Variants in PLEKHG5 observed in about 807,000 individuals in gnomAD.
PLEKHG5 encodes the protein pleckstrin homology and RhoGEF domain containing G5, also known as pleckstrin homology domain-containing family G member 5.
A neutral mutation model predicts 103.8 loss-of-function variants in PLEKHG5; 52 were observed. The observed-to-expected ratio is 0.50, with a 90% CI of 0.40 to 0.63. The LOEUF (loss-of-function observed/expected upper bound fraction) is 0.63. PLEKHG5 is among the 30% of genes least tolerant of loss of function. The pLI is 0.00. For missense variants in PLEKHG5, 1,205 were observed against 1,347.6 expected (o/e 0.89, Z 1.66); for synonymous variants, 592 against 575.5 (o/e 1.03, Z -0.41).
chr1:6,519,928 C>CA, exon 1 of PLEKHG5: 1 of 311,862 alleles, frequency 3.2e-6, no homozygotes, highest in Non-Finnish European at 6.2e-6. Flanking sequence ...AGCAACACCA[C>CA]AGAGACCCCG....
chr1:6,469,362 G>A lies in PLEKHG5; in HGVS notation c.2022C>T (p.Gly674=), dbSNP rs1303164245. The change falls in exon 18 of 21, where the codon GGC becomes GGT. Residue 674 remains glycine, a synonymous_variant. Transcript: ENST00000377728. The stretch of plus-strand genomic sequence containing the variant: ...GGGCATTGTAAATGGTGTCCACCCA[G>A]CCACGGCACAAGGCCTGGCCACTGG... The part of the protein sequence containing the change: ...FQASGQALCR[G]WVDTIYNAQN... The A allele has an allele frequency of 1.2e-6, 2 of 1,614,020 alleles. No individual in the cohort carries two copies. Among genetic ancestry groups the A allele is most frequent in the African/African-American group, 1.3e-5 (1 of 74,944 alleles).
upstream of PLEKHG5, among the ~76,000 whole-genome samples, chr1:6,495,049 C>G (rs567968434): frequency 4.6e-5 from 7 of 152,362 alleles, no homozygotes; most frequent in South Asian, 6.2e-4. Flanking sequence ...GAGGACCCCC[C>G]CTGAGAGCAG....
intron 1 of PLEKHG5, among the ~76,000 whole-genome samples, chr1:6,484,636 G>C (rs1440858587): frequency 6.6e-6 from 1 of 152,094 alleles, no homozygotes; most frequent in Non-Finnish European, 1.5e-5. Context: ...CCCAGCACTA[G>C]GGCGGAATGG....
upstream of PLEKHG5, chr1:6,496,949 A>C (rs3007430): frequency 0.15 from 229,109 of 1,519,982 alleles, 27,165 homozygotes; most frequent in African/African-American, 0.61. Context: ...CAGATCCCTG[A>C]GAACCTTACG....
chr1:6,472,699 T>G (rs1265226675), intron 9 of PLEKHG5, 77 bp from the exon 10 acceptor site: 2 of 1,028,614 alleles, frequency 1.9e-6, no homozygotes, highest in Non-Finnish European at 3.0e-6. Context: ...GCAACCTGCA[T>G]GCAACTCTCA....
At chr1:6,493,334 TG>T (rs1645178305), upstream of PLEKHG5, among the ~76,000 whole-genome samples, 1 of 152,210 alleles carries the variant, frequency 6.6e-6, no homozygotes. Flanking sequence ...GAACTGGGCC[TG>T]GCACCGACAG....
At chr1:6,471,191 G>T in intron 12 of PLEKHG5, 91 bp from the exon 13 acceptor site, 1 of 1,051,444 alleles carries the variant, frequency 9.5e-7, no homozygotes, top group Non-Finnish European at 1.4e-6. Flanking sequence ...CTTCCTTACT[G>T]CACTTGGGCG....
chr1:6,508,309 TTC>T (rs1371302463), intron 1 of PLEKHG5, among the ~76,000 whole-genome samples: 1 of 152,192 alleles, frequency 6.6e-6, no homozygotes, highest in Non-Finnish European at 1.5e-5. Context: ...GAGCATCATC[TTC>T]TGTGTTCCCT....
In PLEKHG5 at chr1:6,467,546, T is replaced by A. The variant is rs772599524; in HGVS notation, c.*17A>T. ...GCTGTCTCTTGGTCAATGGCACTCT[T>A]GGGGGCCTCCCTCTGCTCAGACCTC... On this transcript the variant is annotated 3_prime_UTR_variant, in exon 21 of 21. Transcript: ENST00000377728. 38 of 1,612,936 alleles carry A rather than the reference T, an allele frequency of 2.4e-5. No homozygotes were observed. Among genetic ancestry groups the A allele is most frequent in the Non-Finnish European group, 5.1e-6 (6 of 1,179,444 alleles).
chr1:6,510,077 C>T (rs1327353133), intron 1 of PLEKHG5, among the ~76,000 whole-genome samples: 2 of 152,206 alleles, frequency 1.3e-5, no homozygotes, highest in Non-Finnish European at 2.9e-5. Flanking sequence ...TGCGTGCATG[C>T]GGGGCCGCCA....
chr1:6,487,309 T>G lies in PLEKHG5; in HGVS notation c.-88+4328A>C, dbSNP rs1475394575. Among the ~76,000 whole-genome samples the G allele has an allele frequency of 1.3e-5, 2 of 152,174 alleles. No homozygotes were observed. Among genetic ancestry groups the G allele is most frequent in the African/African-American group, 2.4e-5 (1 of 41,444 alleles). On this transcript the variant is annotated intron_variant, in intron 1 of 20. Transcript: ENST00000377728. This position sits in a 1 kb window ranked among gnomAD's most constrained non-coding sequence, Gnocchi z 4.1. ...TTTTGTATTTTAGTAGAGATGGGGT[T>G]TCGCCATGTTGACCAGGCTGGTCAC... is the stretch of plus-strand genomic sequence containing the variant.
At chr1:6,474,302 C>T (rs896362429) in intron 6 of PLEKHG5, 138 bp from the exon 7 acceptor site, 3 of 1,331,906 alleles carry the variant, frequency 2.3e-6, no homozygotes, top group Admixed American at 2.0e-5. Flanking sequence ...GCACCCTCCC[C>T]TCCCCCAGCA....
At chr1:6,482,076 T>A (rs1644917081) in intron 1 of PLEKHG5, among the ~76,000 whole-genome samples, 1 of 151,998 alleles carries the variant, frequency 6.6e-6, no homozygotes, top group South Asian at 2.1e-4. Context: ...CATCTGCCAG[T>A]CCCTGGACTG....
intron 6 of PLEKHG5, 74 bp from the exon 7 acceptor site, chr1:6,474,238 C>G: frequency 6.4e-7 from 1 of 1,557,138 alleles, no homozygotes; most frequent in Admixed American, 1.8e-5. Context: ...CCTCTCTCCC[C>G]GGAGGATCCA....
chr1:6,469,084 G>C lies in PLEKHG5; in HGVS notation c.2207C>G (p.Thr736Ser). The C allele has an allele frequency of 6.2e-7, 1 of 1,613,232 alleles. No homozygotes were observed. The highest frequency in any genetic ancestry group is 8.5e-7 in the Non-Finnish European group (1 of 1,179,992). ...DSGTSAASSP[T>S]IMRKSSGSPD... Reference sequence around the variant, plus strand: ...GCTGCCGCTGCTTTTCCGCATGATGGTAGGGGAGCTGGCAGCTGAAGTGCC... The same window carrying C: ...GCTGCCGCTGCTTTTCCGCATGATGCTAGGGGAGCTGGCAGCTGAAGTGCC... The change falls in exon 19 of 21, where the codon ACC (threonine) becomes AGC (serine). Residue 736 changes from threonine (T) to serine (S), a missense_variant. Coordinates refer to ENST00000377728, the MANE Select transcript of PLEKHG5 (RefSeq NM_020631.6).
chr1:6,513,450 A>C (rs1489144411), intron 1 of PLEKHG5, among the ~76,000 whole-genome samples: 1 of 152,216 alleles, frequency 6.6e-6, no homozygotes, highest in Non-Finnish European at 1.5e-5. Flanking sequence ...AAGACCCAGC[A>C]GCTGCCACCT....
chr1:6,486,436 C>T lies in PLEKHG5; in HGVS notation c.-88+5201G>A, dbSNP rs752894400. The stretch of plus-strand genomic sequence containing the variant: ...GAGCCCCAGGGACACCCCCTCACAC[C>T]GACTGCTCACTGCCCAGGTACGGCA... On this transcript the variant is annotated intron_variant, in intron 1 of 20. Coordinates refer to ENST00000377728, the MANE Select transcript of PLEKHG5 (RefSeq NM_020631.6). The surrounding 1 kb of genome is among the most constrained non-coding windows in gnomAD (Gnocchi z 5.3). 9.9e-5 allele frequency among the ~76,000 whole-genome samples: 15 copies of T among 152,230 alleles called. No homozygotes were observed. The highest frequency in any genetic ancestry group is 2.1e-4 in the Non-Finnish European group (14 of 68,052).
intron 1 of PLEKHG5, among the ~76,000 whole-genome samples, chr1:6,511,195 C>G (rs1009988220): frequency 3.3e-5 from 5 of 152,218 alleles, no homozygotes; most frequent in Admixed American, 3.3e-4. Flanking sequence ...ACCTGGGCCA[C>G]AACCACCTGG....
rs1311499205 is a variant in PLEKHG5 at position 6,487,993 on chromosome 1, G to A, written c.-88+3644C>T. The stretch of plus-strand genomic sequence containing the variant: ...GGCCAGGATATCCCTTCCTGTGGCC[G>A]ACAGTCAACAGAGCCTTCCCCACTG... On this transcript the variant is annotated intron_variant, in intron 1 of 20. Transcript: ENST00000377728. The surrounding 1 kb of genome is among the most constrained non-coding windows in gnomAD (Gnocchi z 4.1). Among the ~76,000 whole-genome samples the A allele has an allele frequency of 2.0e-5, 3 of 152,130 alleles. No individual in the cohort carries two copies. Among genetic ancestry groups the A allele is most frequent in the South Asian group, 2.1e-4 (1 of 4,828 alleles).
Sources: allele counts gnomAD v4.1 joint callset (sites outside exome capture counted in the v4.1 genomes callset), GRCh38; gene constraint gnomAD v4.1.1; non-coding constraint Gnocchi (gnomAD v3.1); transcripts MANE v1.5; gene names NCBI Gene and HGNC (gene_info 2026-07-23, HGNC 2026-07-21).